Variants in SDAD1 observed in about 807,000 individuals in gnomAD.
The protein encoded by SDAD1 is protein SDA1 homolog.
A neutral mutation model predicts 100.3 loss-of-function variants in SDAD1; 79 were observed. That is an observed-to-expected ratio of 0.79 (90% CI 0.66 to 0.95). SDAD1 has a LOEUF of 0.95. SDAD1 is among the 40% of genes least tolerant of loss of function. The pLI, the probability that SDAD1 is intolerant of heterozygous loss-of-function variation, is 0.00. For synonymous variants in SDAD1, 267 were observed against 271.4 expected, an observed-to-expected ratio of 0.98 and a Z score of 0.16; for missense variants, 790 against 810.9, an observed-to-expected ratio of 0.97 and a Z score of 0.31.
At chr4:75,957,430 C>T in intron 19 of SDAD1, 21 bp from the exon 20 acceptor site, 1 of 1,613,028 alleles carries the variant, frequency 6.2e-7, no homozygotes, top group South Asian at 1.1e-5. Flanking sequence ...GGAAAAATAA[C>T]ACATGAAACA....
chr4:75,985,965 C>T (rs1438987777), intron 1 of SDAD1, among the ~76,000 whole-genome samples: 3 of 152,158 alleles, frequency 2.0e-5, no homozygotes, highest in African/African-American at 7.2e-5. Context: ...ATTATAATCA[C>T]CTCCATGCGT....
At chr4:75,990,490 TAAAAC>T (rs1033782291) in intron 1 of SDAD1, among the ~76,000 whole-genome samples, 5 of 152,142 alleles carry the variant, frequency 3.3e-5, no homozygotes, top group Non-Finnish European at 5.9e-5. Flanking sequence ...AAAAATATCT[TAAAAC>T]AAAATGAGGT....
intron 8 of SDAD1, among the ~76,000 whole-genome samples, chr4:75,972,927 A>G (rs1234001393): frequency 6.6e-6 from 1 of 152,042 alleles, no homozygotes; most frequent in Non-Finnish European, 1.5e-5. Flanking sequence ...AGGCTGAGGC[A>G]GGAGAACGGC....
Position 75,969,281 on chromosome 4 carries a change from T to C in SDAD1, c.987+15A>G, listed in dbSNP as rs376086944. 118 of 1,585,746 alleles carry C rather than the reference T, an allele frequency of 7.4e-5. No individual in the cohort carries two copies. In the African/African-American group the frequency reaches 1.0e-3, roughly 14 times the overall value. On this transcript the variant is annotated intron_variant, in intron 11 of 21. Transcript: ENST00000356260. The stretch of plus-strand genomic sequence containing the variant: ...CTTCAAATATTCACCAAGAGAAACA[T>C]AATATAATTCAAACCTCATGAATTC...
intron 1 of SDAD1, among the ~76,000 whole-genome samples, chr4:75,987,844 CTTAT>C (rs1412890000): frequency 6.6e-6 from 1 of 152,154 alleles, no homozygotes; most frequent in Non-Finnish European, 1.5e-5. Context: ...TGGTATTCAT[CTTAT>C]TTGACTCATC....
rs1030039442 is a variant in SDAD1 at position 75,967,125 on chromosome 4, T to G, written c.1045+152A>C. 84 of 684,364 alleles carry G rather than the reference T, an allele frequency of 1.2e-4. No homozygotes were observed. In the Middle Eastern group the frequency reaches 1.7e-3, roughly 14 times the overall value. 42.4% of individuals were successfully genotyped at this position (684,364 alleles called of 1,614,324 possible). On this transcript the variant is annotated intron_variant, in intron 12 of 21. Transcript: ENST00000356260. The stretch of plus-strand genomic sequence containing the variant: ...AAAGTTGAGGGTAACGACAAACCCA[T>G]AGCAAACTCTAGAAAGAAAACAAGG...
At chr4:75,959,559 G>A (rs1452168421) in intron 17 of SDAD1, among the ~76,000 whole-genome samples, 2 of 151,098 alleles carry the variant, frequency 1.3e-5, no homozygotes, top group East Asian at 2.0e-4. Flanking sequence ...AGCTGAGATC[G>A]TACCACTGCA....
rs574819872 is a variant in SDAD1 at position 75,976,071 on chromosome 4, T to C, written c.406-76A>G. 1.0e-5 allele frequency: 9 copies of C among 881,358 alleles called. No homozygotes were observed. The South Asian group carries it at 1.3e-4, about 13-fold the overall frequency. The allele number at this position is 881,358 out of a possible 1,614,324, so 54.6% of individuals were successfully genotyped here. On this transcript the variant is annotated intron_variant, in intron 4 of 21. Coordinates refer to ENST00000356260, the MANE Select transcript of SDAD1 (RefSeq NM_018115.4). Reference sequence around the variant, plus strand: ...ACCTTGCTAAATTTGGAGAACAGTATGAATGTACAGGATGACTTAATTTTA... The same window carrying C: ...ACCTTGCTAAATTTGGAGAACAGTACGAATGTACAGGATGACTTAATTTTA...
chr4:75,972,273 G>A (rs546624217), intron 8 of SDAD1, among the ~76,000 whole-genome samples: 10 of 151,912 alleles, frequency 6.6e-5, no homozygotes, highest in African/African-American at 1.2e-4. Context: ...TTGACAACCC[G>A]CTTGGGTCCC....
intron 1 of SDAD1, among the ~76,000 whole-genome samples, chr4:75,984,775 AC>A (rs1367722694): frequency 3.7e-5 from 5 of 135,264 alleles, no homozygotes; most frequent in African/African-American, 1.5e-4. Context: ...ACACACACAC[AC>A]AAACACACAC....
At chr4:75,962,870 T>C (rs942693378) in intron 14 of SDAD1, among the ~76,000 whole-genome samples, 1 of 152,204 alleles carries the variant, frequency 6.6e-6, no homozygotes, top group Non-Finnish European at 1.5e-5. Context: ...GTAGTTTCTT[T>C]TGCTGTGCAG....
At chr4:75,969,602 C>T (rs954595767) in intron 10 of SDAD1, among the ~76,000 whole-genome samples, 2 of 152,198 alleles carry the variant, frequency 1.3e-5, no homozygotes, top group African/African-American at 4.8e-5. Context: ...GACTGTTTGA[C>T]AGGTGCTCGC....
rs1314455737 is a variant in SDAD1, at chr4:75,990,758, G to A, written c.84C>T (p.Ile28=). Residue 28 remains isoleucine (I), a synonymous_variant, in exon 1 of 22, where the codon ATC becomes ATT. Transcript: ENST00000356260. ...NLIKRDPPAY[I]EEFLQQYNHY... ...TGCCGCGCCGCACTCCCACCTCCTC[G>A]ATGTAGGCCGGCGGGTCTCGCTTGA... 1.2e-6 allele frequency: 2 copies of A among 1,613,894 alleles called. No homozygotes were observed. The highest frequency in any genetic ancestry group is 1.3e-5 in the African/African-American group (1 of 74,932).
chr4:75,979,253 G>A (rs1441465589), intron 3 of SDAD1, among the ~76,000 whole-genome samples: 1 of 151,848 alleles, frequency 6.6e-6, no homozygotes. Context: ...TGTGTAAGCA[G>A]GACAGAGTGA....
chr4:75,975,605 A>G, intron 6 of SDAD1, 139 bp downstream of exon 6: 2 of 579,258 alleles, frequency 3.5e-6, no homozygotes, highest in Non-Finnish European at 6.0e-6. Flanking sequence ...AATTGCCTCT[A>G]TTTTTACTTC....
intron 3 of SDAD1, among the ~76,000 whole-genome samples, chr4:75,979,167 T>C (rs746531506): frequency 2.0e-5 from 3 of 151,974 alleles, no homozygotes; most frequent in Non-Finnish European, 2.9e-5. Context: ...TTGACTTTTA[T>C]TGATTTGACT....
intron 14 of SDAD1, among the ~76,000 whole-genome samples, chr4:75,963,616 C>T (rs1433122742): frequency 1.3e-5 from 2 of 152,052 alleles, no homozygotes; most frequent in Non-Finnish European, 2.9e-5. Flanking sequence ...AGTGATTAGG[C>T]CTAATGTTGT....
At position 75,981,390 on chromosome 4, in the gene SDAD1, C is replaced by A; in HGVS notation, c.276G>T (p.Leu92Phe). 1 of 1,613,820 alleles carries A rather than the reference C, an allele frequency of 6.2e-7. No homozygotes were observed. Among genetic ancestry groups the A allele is most frequent in the Non-Finnish European group, 8.5e-7 (1 of 1,179,810 alleles). ...GTCCTACCATTCGCAGATCTGGATC[C>A]AATACGGTATGATTGCAGGAGAGAA... The part of the protein sequence containing the change: ...KDLLSCNHTV[L>F]DPDLRMTFCK... Residue 92 changes from leucine to phenylalanine, a missense_variant, in exon 3 of 22, where the codon TTG becomes TTT. Coordinates refer to ENST00000356260, the MANE Select transcript of SDAD1 (RefSeq NM_018115.4).
chr4:75,952,590 T>TG (rs1728674720), intron 21 of SDAD1, among the ~76,000 whole-genome samples: 2 of 152,224 alleles, frequency 1.3e-5, no homozygotes, highest in African/African-American at 4.8e-5. Context: ...GTAAGATTCC[T>TG]TTATTTAAGA....
Sources: allele counts gnomAD v4.1 joint callset (sites outside exome capture counted in the v4.1 genomes callset), GRCh38; gene constraint gnomAD v4.1.1; transcripts MANE v1.5; gene names NCBI Gene and HGNC (gene_info 2026-07-23, HGNC 2026-07-21).